The following AGPAT3 variants were observed in gnomAD, a reference collection of about 807,000 sequenced individuals.
AGPAT3 encodes 1-acylglycerol-3-phosphate O-acyltransferase 3.
Under a neutral mutation model 47.3 loss-of-function variants are expected in AGPAT3, and 5 were observed. The ratio of observed to expected loss-of-function variants is 0.11; its 90% confidence interval spans 0.06 to 0.22. The LOEUF is 0.22. Ranked by LOEUF, AGPAT3 falls within the 10% of genes least tolerant of loss-of-function variation. The pLI is 1.00. For synonymous variants in AGPAT3, 212 were observed against 208.3 expected (o/e 1.02, Z -0.15); for missense variants, 315 against 493.0 (o/e 0.64, Z 3.42).
intron 8 of AGPAT3, among the ~76,000 whole-genome samples, chr21:43,979,373 G>A (rs1204636952): frequency 1.3e-5 from 2 of 151,786 alleles, no homozygotes; most frequent in African/African-American, 4.8e-5. Flanking sequence ...TGAAAAGGGA[G>A]GTGGGGCTGA....
At chr21:43,967,481 A>G (rs1298961728) in intron 3 of AGPAT3, 2 of 152,930 alleles carry the variant, frequency 1.3e-5, no homozygotes, top group East Asian at 1.9e-4. Flanking sequence ...AAGTTTTAGG[A>G]GAAAATATAA....
chr21:43,943,630 C>T (rs977451706), intron 2 of AGPAT3, among the ~76,000 whole-genome samples: 5 of 152,132 alleles, frequency 3.3e-5, no homozygotes, highest in Admixed American at 6.5e-5. Flanking sequence ...GAGAGTCTGC[C>T]GGGGCACCTC....
chr21:43,922,068 C>T lies in AGPAT3; in HGVS notation c.-49+18049C>T, dbSNP rs1293439523. Among the ~76,000 whole-genome samples the T allele has an allele frequency of 6.6e-6, 1 of 152,094 alleles. No homozygotes were observed. The highest frequency in any genetic ancestry group is 1.5e-5 in the Non-Finnish European group (1 of 68,020). On this transcript the variant is annotated intron_variant, in intron 2 of 9. Coordinates refer to ENST00000291572, the MANE Select transcript of AGPAT3 (RefSeq NM_020132.5). This position sits in a 1 kb window ranked among gnomAD's most constrained non-coding sequence, Gnocchi z 4.9. ...TAGATTGTTGTGAGAATGTGGGCTT[C>T]CTTATTTGGGGGAGATTTTTTATAA...
At chr21:43,874,761 G>A (rs1278413144) in intron 1 of AGPAT3, among the ~76,000 whole-genome samples, 1 of 152,068 alleles carries the variant, frequency 6.6e-6, no homozygotes, top group African/African-American at 2.4e-5. Flanking sequence ...TGTTTATCCT[G>A]TTTTGGATTC....
intron 3 of AGPAT3, 105 bp downstream of exon 3, chr21:43,959,964 T>C (rs1601427345): frequency 7.9e-7 from 1 of 1,259,352 alleles, no homozygotes; most frequent in East Asian, 2.5e-5. Context: ...GTGAGGGCTA[T>C]GCAGGAGGTG....
chr21:43,873,675 G>A (rs1169911552), intron 1 of AGPAT3, among the ~76,000 whole-genome samples: 1 of 152,204 alleles, frequency 6.6e-6, no homozygotes, highest in Non-Finnish European at 1.5e-5. Context: ...ACTGCGCCCA[G>A]CCCAAGTTGT....
In AGPAT3 at chr21:43,985,345, G is replaced by T. The variant is rs1473627629; in HGVS notation, c.*2953G>T. 5 of 362,144 alleles carry T rather than the reference G, an allele frequency of 1.4e-5. No homozygotes were observed. The East Asian group carries it at 3.8e-4, about 28-fold the overall frequency. 22.4% of individuals were successfully genotyped at this position (362,144 alleles called of 1,614,324 possible). A position where few individuals can be genotyped will look rare whatever the true frequency, so the allele number is the denominator to read the frequency against. On this transcript the variant is annotated 3_prime_UTR_variant, in exon 10 of 10. Transcript: ENST00000291572. ...CAGTCTGGTGGAAGAGATGAGCGCTGAACAAATCACTAAATAACACAAAAC... is the reference window on the plus strand; with the variant it reads ...CAGTCTGGTGGAAGAGATGAGCGCTTAACAAATCACTAAATAACACAAAAC...
Position 43,954,965 on chromosome 21 carries a change from C to T in AGPAT3, c.-48-4669C>T, listed in dbSNP as rs979796590. The T allele has an allele frequency of 1.6e-5, 17 of 1,092,780 alleles. No homozygotes were observed. In the African/African-American group the frequency reaches 2.5e-4, roughly 16 times the overall value. The allele number at this position is 1,092,780 out of a possible 1,614,324, so 67.7% of individuals were successfully genotyped here. A position where few individuals can be genotyped will look rare whatever the true frequency, so the allele number is the denominator to read the frequency against. On this transcript the variant is annotated intron_variant, in intron 2 of 9. Coordinates refer to ENST00000291572, the MANE Select transcript of AGPAT3 (RefSeq NM_020132.5). This position sits in a 1 kb window ranked among gnomAD's most constrained non-coding sequence, Gnocchi z 4.0. ...ACCAGAGACTGGCCGCTTTGTGACA[C>T]CGAGGACGGTTGATAAAGTGGATTC... is the stretch of plus-strand genomic sequence containing the variant.
At chr21:43,902,211 A>C (rs1170672757) in intron 1 of AGPAT3, among the ~76,000 whole-genome samples, 1 of 152,226 alleles carries the variant, frequency 6.6e-6, no homozygotes, top group African/African-American at 2.4e-5. Context: ...TTCTGATCAG[A>C]AACTATACAA....
At chr21:43,878,225 C>T (rs2085777191) in intron 1 of AGPAT3, among the ~76,000 whole-genome samples, 2 of 152,210 alleles carry the variant, frequency 1.3e-5, no homozygotes, top group Non-Finnish European at 2.9e-5. Flanking sequence ...CTTTAGCCTG[C>T]CTGGAACACA....
Position 43,878,736 on chromosome 21 carries a change from CT to C in AGPAT3, c.-112+13406del, listed in dbSNP as rs112902305. On this transcript the variant is annotated intron_variant, in intron 1 of 9. Transcript: ENST00000291572. ...TTAATAGTTTTTTATTTCCATTTGT[CT>C]TTTTTTTTTTTTTTGGACACAGAGT... Among the ~76,000 whole-genome samples the C allele has an allele frequency of 3.2e-3, 452 of 140,666 alleles. 1 individual carries two copies. The highest frequency in any genetic ancestry group is 0.029 in the Middle Eastern group (8 of 272). 92.3% of individuals were successfully genotyped at this position (140,666 alleles called of 152,430 possible). A position where few individuals can be genotyped will look rare whatever the true frequency, so the allele number is the denominator to read the frequency against.
At chr21:43,978,684 G>C (rs2089718468) in intron 8 of AGPAT3, among the ~76,000 whole-genome samples, 1 of 152,156 alleles carries the variant, frequency 6.6e-6, no homozygotes, top group Non-Finnish European at 1.5e-5. Context: ...TATAATTATG[G>C]CTGGTAACAT....
Position 43,981,454 on chromosome 21 carries a change from C to T in AGPAT3, c.1042+267C>T, listed in dbSNP as rs1327855080. On this transcript the variant is annotated intron_variant, in intron 9 of 9. Transcript: ENST00000291572. This position sits in a 1 kb window ranked among gnomAD's most constrained non-coding sequence, Gnocchi z 5.3. ...CCACTGGCTGGCGCCCTTGAGGATG[C>T]CGACGAGAGGGTCCCCGAGAGGGTC... is the stretch of plus-strand genomic sequence containing the variant. 2 of 538,426 alleles carry T rather than the reference C, an allele frequency of 3.7e-6. No individual in the cohort carries two copies. The highest frequency in any genetic ancestry group is 2.1e-5 in the South Asian group (1 of 46,850). 33.4% of individuals were successfully genotyped at this position (538,426 alleles called of 1,614,324 possible). A position where few individuals can be genotyped will look rare whatever the true frequency, so the allele number is the denominator to read the frequency against.
At position 43,952,509 on chromosome 21, in the gene AGPAT3, G is replaced by A. The variant is rs1172077465; in HGVS notation, c.-48-7125G>A. The stretch of plus-strand genomic sequence containing the variant: ...CTCTGGCCCTGCCCAGGCAGAGGCA[G>A]CCTCGTGCCTCACCTTTGCTCCCCT... On this transcript the variant is annotated intron_variant, in intron 2 of 9. Coordinates refer to ENST00000291572, the MANE Select transcript of AGPAT3 (RefSeq NM_020132.5). This position sits in a 1 kb window ranked among gnomAD's most constrained non-coding sequence, Gnocchi z 5.6. Among the ~76,000 whole-genome samples the A allele has an allele frequency of 1.6e-4, 24 of 152,144 alleles. No homozygotes were observed. Among genetic ancestry groups the A allele is most frequent in the Admixed American group, 1.0e-3 (16 of 15,284 alleles).
intron 1 of AGPAT3, among the ~76,000 whole-genome samples, chr21:43,866,124 T>G (rs1278840530): frequency 7.9e-5 from 12 of 150,998 alleles, no homozygotes; most frequent in African/African-American, 2.9e-4. Context: ...TGCAGTGTTT[T>G]TTTTTTTTTT....
intron 2 of AGPAT3, among the ~76,000 whole-genome samples, chr21:43,935,096 G>A (rs554071412): frequency 2.0e-5 from 3 of 152,246 alleles, no homozygotes; most frequent in East Asian, 1.9e-4. Context: ...GGACAGGGGG[G>A]GCTTCTCACC....
intron 4 of AGPAT3, among the ~76,000 whole-genome samples, 176 bp from the exon 5 acceptor site, chr21:43,968,942 G>A (rs143639823): frequency 1.7e-4 from 26 of 152,166 alleles, no homozygotes; most frequent in African/African-American, 6.3e-4. Context: ...TCATTTCTGG[G>A]GCGACCCACT....
In AGPAT3 at chr21:43,939,708, G is replaced by A. The variant is rs932359990; in HGVS notation, c.-48-19926G>A. On this transcript the variant is annotated intron_variant, in intron 2 of 9. Coordinates refer to ENST00000291572, the MANE Select transcript of AGPAT3 (RefSeq NM_020132.5). This position sits in a 1 kb window ranked among gnomAD's most constrained non-coding sequence, Gnocchi z 4.4. Reference sequence around the variant, plus strand: ...CTTTCAGGGATCTTGCTAGCCCACGGCTGAGCACAGGGTAGACCTCACCAA... The same window carrying A: ...CTTTCAGGGATCTTGCTAGCCCACGACTGAGCACAGGGTAGACCTCACCAA... Among the ~76,000 whole-genome samples the A allele has an allele frequency of 5.9e-5, 9 of 152,300 alleles. No individual in the cohort carries two copies. Among genetic ancestry groups the A allele is most frequent in the Middle Eastern group, 3.4e-3 (1 of 294 alleles).
rs1178950777 is a variant in AGPAT3 at position 43,932,352 on chromosome 21, G to A, written c.-48-27282G>A. On this transcript the variant is annotated intron_variant, in intron 2 of 9. Transcript: ENST00000291572. This position sits in a 1 kb window ranked among gnomAD's most constrained non-coding sequence, Gnocchi z 5.2. ...TCCGATTCCTCGTGTGAGTGAGGTCGTGCAGGACTTGTCGTTCTGTGACTG... is the reference window on the plus strand; with the variant it reads ...TCCGATTCCTCGTGTGAGTGAGGTCATGCAGGACTTGTCGTTCTGTGACTG... 6.6e-6 allele frequency among the ~76,000 whole-genome samples: 1 copy of A among 152,204 alleles called. No homozygotes were observed. Among genetic ancestry groups the A allele is most frequent in the Non-Finnish European group, 1.5e-5 (1 of 68,044 alleles).
Sources: gnomAD v4.1 joint callset for allele counts (sites outside exome capture counted in the v4.1 genomes callset) on GRCh38, gnomAD v4.1.1 for gene constraint, Gnocchi (gnomAD v3.1) non-coding constraint, MANE v1.5 for transcripts, NCBI Gene and HGNC (gene_info 2026-07-23, HGNC 2026-07-21) for gene names.